The following SLC35F3 variants were observed in gnomAD, a reference collection of about 807,000 sequenced individuals.
The protein encoded by SLC35F3 is solute carrier family 35 member F3.
A neutral mutation model predicts 49.9 loss-of-function variants in SLC35F3; 25 were observed. That is an observed-to-expected ratio of 0.50 (90% CI 0.37 to 0.70). The LOEUF (loss-of-function observed/expected upper bound fraction) is 0.70, where lower values mean the gene tolerates loss of function less well. Ranked by LOEUF, SLC35F3 falls within the 30% of genes least tolerant of loss-of-function variation. SLC35F3 has a pLI of 0.00. For synonymous variants in SLC35F3, 275 were observed against 265.4 expected (o/e 1.04, Z -0.35); for missense variants, 525 against 639.8 (o/e 0.82, Z 1.94).
chr1:233,905,503 C>T lies in SLC35F3; in HGVS notation c.54-26C>T, dbSNP rs370424044. ...TGTCCATGCTCCCCCTGCCCACCCA[C>T]CTGCCCGTGGCGCCTGCGACCGCAG... On this transcript the variant is annotated intron_variant, in intron 1 of 7. Coordinates refer to ENST00000366618, the MANE Select transcript of SLC35F3 (RefSeq NM_173508.4). 41 of 1,570,324 alleles carry T rather than the reference C, an allele frequency of 2.6e-5. 1 individual carries two copies. Among genetic ancestry groups the T allele is most frequent in the African/African-American group, 2.4e-4 (18 of 74,310 alleles).
At chr1:233,968,205 T>C (rs923807463) in intron 2 of SLC35F3, among the ~76,000 whole-genome samples, 2 of 152,180 alleles carry the variant, frequency 1.3e-5, no homozygotes, top group Admixed American at 1.3e-4. Context: ...TCCATCTTCA[T>C]ATCTCCCTGA....
At chr1:234,185,825 A>G (rs1202266585) in intron 2 of SLC35F3, among the ~76,000 whole-genome samples, 1 of 152,210 alleles carries the variant, frequency 6.6e-6, no homozygotes, top group African/African-American at 2.4e-5. Context: ...CATTGATTTT[A>G]TAATATGTTT....
chr1:234,321,123 G>A (rs1300611165), intron 7 of SLC35F3, among the ~76,000 whole-genome samples: 3 of 149,398 alleles, frequency 2.0e-5, no homozygotes, highest in Non-Finnish European at 4.4e-5. Flanking sequence ...AATTTCCCAA[G>A]CCTTTCCTCA....
chr1:234,232,519 C>CA (rs536692686), intron 3 of SLC35F3, among the ~76,000 whole-genome samples: 2,921 of 72,246 alleles, frequency 0.04, 153 homozygotes, highest in Middle Eastern at 0.083. Flanking sequence ...CAGGCCTAGT[C>CA]AAAAAAAAAA....
chr1:233,919,628 T>C (rs1662027578), intron 2 of SLC35F3, among the ~76,000 whole-genome samples: 1 of 152,216 alleles, frequency 6.6e-6, no homozygotes, highest in Non-Finnish European at 1.5e-5. Flanking sequence ...AAAGGACTCA[T>C]TGGCCTGTAG....
At chr1:234,104,130 C>T (rs1257514574) in intron 2 of SLC35F3, among the ~76,000 whole-genome samples, 1 of 152,288 alleles carries the variant, frequency 6.6e-6, no homozygotes, top group African/African-American at 2.4e-5. Flanking sequence ...GCATATATGA[C>T]ATTGGCTTTG....
chr1:234,186,982 T>C (rs1666652251), intron 2 of SLC35F3, among the ~76,000 whole-genome samples: 1 of 152,060 alleles, frequency 6.6e-6, no homozygotes, highest in Non-Finnish European at 1.5e-5. Context: ...CATTCCTCCT[T>C]CCCCATCTCA....
intron 2 of SLC35F3, among the ~76,000 whole-genome samples, chr1:234,134,975 C>T (rs1336867819): frequency 6.6e-6 from 1 of 152,200 alleles, no homozygotes; most frequent in Non-Finnish European, 1.5e-5. Context: ...CTGCCTCGGC[C>T]TCCCAAAGTG....
chr1:233,939,640 T>G (rs568849767), intron 2 of SLC35F3, among the ~76,000 whole-genome samples: 3 of 152,148 alleles, frequency 2.0e-5, no homozygotes, highest in African/African-American at 7.2e-5. Context: ...TTCCAGAGAG[T>G]TGAGAAGAGT....
chr1:233,995,595 CT>C (rs1663445195), intron 2 of SLC35F3, among the ~76,000 whole-genome samples: 1 of 152,198 alleles, frequency 6.6e-6, no homozygotes, highest in South Asian at 2.1e-4. Flanking sequence ...TCCCAAATTG[CT>C]TCTACATATT....
chr1:234,108,624 A>G (rs1397009783), intron 2 of SLC35F3, among the ~76,000 whole-genome samples: 216 of 121,372 alleles, frequency 1.8e-3, no homozygotes, highest in African/African-American at 7.0e-3. Context: ...TATATAAAAG[A>G]TATATATATT....
chr1:234,033,150 T>C (rs1664087688), intron 2 of SLC35F3, among the ~76,000 whole-genome samples: 1 of 152,204 alleles, frequency 6.6e-6, no homozygotes, highest in Admixed American at 6.5e-5. Flanking sequence ...GCCATTTGTA[T>C]ATTTTCTTTT....
At chr1:233,941,632 A>G (rs933899203) in intron 2 of SLC35F3, among the ~76,000 whole-genome samples, 4 of 152,224 alleles carry the variant, frequency 2.6e-5, no homozygotes, top group East Asian at 3.9e-4. Flanking sequence ...AAACACACAA[A>G]TGATTGTCAT....
chr1:234,059,619 GACATAGACATA>G (rs1664509261), intron 2 of SLC35F3, among the ~76,000 whole-genome samples: 1 of 7,422 alleles, frequency 1.3e-4, no homozygotes, highest in Non-Finnish European at 9.9e-4. Context: ...ACATAGACTA[GACATAGACATA>G]GACATAGACA....
At chr1:234,084,719 TG>T (rs1411548121) in intron 2 of SLC35F3, among the ~76,000 whole-genome samples, 3 of 152,180 alleles carry the variant, frequency 2.0e-5, no homozygotes, top group African/African-American at 4.8e-5. Context: ...TGGGTTATCA[TG>T]TTTCTAGAGA....
chr1:234,148,672 TACAAAGTATA>T (rs555512114), intron 2 of SLC35F3, among the ~76,000 whole-genome samples: 3 of 152,188 alleles, frequency 2.0e-5, no homozygotes, highest in Non-Finnish European at 4.4e-5. Context: ...CTGGCTGCTT[TACAAAGTATA>T]GATGGTGGTT....
chr1:234,284,158 G>T (rs574557002), intron 3 of SLC35F3, among the ~76,000 whole-genome samples: 41 of 152,248 alleles, frequency 2.7e-4, no homozygotes, highest in African/African-American at 8.9e-4. Context: ...TCCCACCTTG[G>T]CCTCCCAAAG....
chr1:233,925,265 T>A (rs1662137830), intron 2 of SLC35F3, among the ~76,000 whole-genome samples: 1 of 152,122 alleles, frequency 6.6e-6, no homozygotes, highest in African/African-American at 2.4e-5. Context: ...TGTGTGGGAG[T>A]CTGAGTCTCT....
chr1:234,284,774 C>G (rs952152012), intron 3 of SLC35F3, among the ~76,000 whole-genome samples: 3 of 152,120 alleles, frequency 2.0e-5, no homozygotes, highest in Non-Finnish European at 4.4e-5. Context: ...ACAGAACTAG[C>G]AAGTGAGGCT....
Sources: allele counts gnomAD v4.1 joint callset (sites outside exome capture counted in the v4.1 genomes callset), GRCh38; gene constraint gnomAD v4.1.1; transcripts MANE v1.5; gene names NCBI Gene and HGNC (gene_info 2026-07-23, HGNC 2026-07-21).